Variants in DENND5A observed in about 807,000 individuals in gnomAD.
The protein encoded by DENND5A is DENN domain-containing protein 5A.
Under a neutral mutation model 140.3 loss-of-function variants are expected in DENND5A, and 64 were observed. The ratio of observed to expected loss-of-function variants is 0.46; its 90% CI spans 0.37 to 0.56. DENND5A has a LOEUF of 0.56. DENND5A is among the 20% of genes least tolerant of loss of function. DENND5A has a pLI of 0.00. For synonymous variants in DENND5A, 605 were observed against 607.7 expected, an observed-to-expected ratio of 1.00 and a Z score of 0.07; for missense variants, 1,292 against 1,593.8, an observed-to-expected ratio of 0.81 and a Z score of 3.22.
chr11:9,230,918 G>A (rs912939551), intron 1 of DENND5A, among the ~76,000 whole-genome samples: 13 of 152,068 alleles, frequency 8.5e-5, no homozygotes, highest in Non-Finnish European at 1.9e-4. Context: ...AAGCCTGGAG[G>A]TCTAGACTGC....
At chr11:9,156,996 A>G (rs897306441) in intron 12 of DENND5A, among the ~76,000 whole-genome samples, 1 of 152,208 alleles carries the variant, frequency 6.6e-6, no homozygotes, top group African/African-American at 2.4e-5. Context: ...ACACAGACTT[A>G]GAACATATAA....
chr11:9,158,935 T>C (rs1847893008), intron 12 of DENND5A, among the ~76,000 whole-genome samples: 1 of 152,214 alleles, frequency 6.6e-6, no homozygotes, highest in Non-Finnish European at 1.5e-5. Context: ...TGTGCAATCA[T>C]CACCACTATC....
intron 14 of DENND5A, 52 bp from the exon 15 acceptor site, chr11:9,150,261 A>C (rs898909978): frequency 3.1e-6 from 5 of 1,592,730 alleles, no homozygotes; most frequent in Non-Finnish European, 4.3e-6. Flanking sequence ...AGATGAACTC[A>C]CTGCCAATAA....
At chr11:9,227,772 T>C (rs572591951) in intron 1 of DENND5A, among the ~76,000 whole-genome samples, 5 of 151,132 alleles carry the variant, frequency 3.3e-5, no homozygotes, top group Admixed American at 2.6e-4. Context: ...CTGGGCAACA[T>C]AGCAAGATAC....
chr11:9,219,417 G>T (rs1354294031), intron 1 of DENND5A, among the ~76,000 whole-genome samples: 5 of 152,066 alleles, frequency 3.3e-5, no homozygotes, highest in Non-Finnish European at 5.9e-5. Context: ...AAAATTCTGT[G>T]GGAAAATTAT....
intron 2 of DENND5A, 33 bp downstream of exon 2, chr11:9,207,528 C>CTAATGG: frequency 6.6e-7 from 1 of 1,521,692 alleles, no homozygotes; most frequent in Non-Finnish European, 9.1e-7. Context: ...CATTAGAAAG[C>CTAATGG]TTTGGGTGTT....
At chr11:9,203,627 G>A (rs771858414) in intron 4 of DENND5A, 33 bp downstream of exon 4, 2 of 1,574,456 alleles carry the variant, frequency 1.3e-6, no homozygotes, top group Non-Finnish European at 1.7e-6. Flanking sequence ...GAAGCCTGAG[G>A]CAGGCAGAAG....
chr11:9,263,308 C>A (rs543277433), intron 1 of DENND5A, among the ~76,000 whole-genome samples: 5 of 151,466 alleles, frequency 3.3e-5, no homozygotes, highest in Non-Finnish European at 1.5e-5. Context: ...GCAACCTCCC[C>A]CTCCTGGGTT....
chr11:9,249,966 A>T (rs554155931), intron 1 of DENND5A, among the ~76,000 whole-genome samples: 1 of 151,680 alleles, frequency 6.6e-6, no homozygotes, highest in Admixed American at 6.6e-5. Context: ...AGATTACAGG[A>T]TCGAGCCATC....
In DENND5A at chr11:9,145,776, A is replaced by G. The variant is rs2136116239; in HGVS notation, c.2897T>C (p.Leu966Pro). Residue 966 changes from leucine to proline, a missense_variant, in exon 17 of 23, where the codon CTG becomes CCG. By Grantham distance (98) the Leu-to-Pro change is moderately conservative. Transcript: ENST00000328194. Reference protein sequence around the residue: ...YHILIVPSKKLGGSMFTANPW... With the variant: ...YHILIVPSKKPGGSMFTANPW... ...GTTGGCAGTGAACATGGAGCCCCCC[A>G]GCTTCTTGCTTGGTACGATCAGAAT... The G allele has an allele frequency of 1.2e-6, 2 of 1,614,188 alleles. No individual in the cohort carries two copies. Among genetic ancestry groups the G allele is most frequent in the East Asian group, 4.5e-5 (2 of 44,888 alleles).
intron 11 of DENND5A, among the ~76,000 whole-genome samples, chr11:9,161,931 A>T (rs957638553): frequency 6.7e-6 from 1 of 148,978 alleles, no homozygotes; most frequent in Admixed American, 6.7e-5. Context: ...CTATTAAATT[A>T]TATATATATA....
At chr11:9,151,300 T>G (rs11042196) in intron 13 of DENND5A, among the ~76,000 whole-genome samples, 33,830 of 152,256 alleles carry the variant, frequency 0.22, 3,966 homozygotes, top group Middle Eastern at 0.27. Context: ...CTTTATATCC[T>G]CATGTCTGGC....
chr11:9,248,156 T>C (rs966451272), intron 1 of DENND5A, among the ~76,000 whole-genome samples: 1 of 152,102 alleles, frequency 6.6e-6, no homozygotes, highest in Non-Finnish European at 1.5e-5. Context: ...CTAATTTTTG[T>C]CTTTTTTGTA....
At chr11:9,223,998 C>G (rs530506630) in intron 1 of DENND5A, among the ~76,000 whole-genome samples, 1 of 152,024 alleles carries the variant, frequency 6.6e-6, no homozygotes, top group South Asian at 2.1e-4. Flanking sequence ...TCAAGACCAG[C>G]CTGGCCAACA....
intron 5 of DENND5A, among the ~76,000 whole-genome samples, chr11:9,188,305 G>A (rs886322259): frequency 1.8e-4 from 28 of 152,308 alleles, no homozygotes; most frequent in South Asian, 1.0e-3. Flanking sequence ...CCCCAGCCAC[G>A]AGGAACTGTT....
chr11:9,212,869 AG>A (rs1314509271), intron 1 of DENND5A, among the ~76,000 whole-genome samples: 1 of 152,104 alleles, frequency 6.6e-6, no homozygotes, highest in Non-Finnish European at 1.5e-5. Context: ...ATGGTGGGGA[AG>A]GGGGAGAGTT....
chr11:9,228,687 C>T (rs1850634445), intron 1 of DENND5A, among the ~76,000 whole-genome samples: 1 of 151,410 alleles, frequency 6.6e-6, no homozygotes, highest in Admixed American at 6.6e-5. Flanking sequence ...CCACTGCACT[C>T]CAGCCTGGGC....
In DENND5A at chr11:9,229,377, C is replaced by A. The variant is rs543134196; in HGVS notation, c.110-21745G>T. 3.9e-5 allele frequency among the ~76,000 whole-genome samples: 6 copies of A among 151,970 alleles called. 1 individual carries two copies. The highest frequency in any genetic ancestry group is 1.5e-4 in the African/African-American group (6 of 41,378). ...AAAAATGATACCCCTAAGTAAGACACCTTGACATGCTGAGTATTATGAACT... is the reference window on the plus strand; with the variant it reads ...AAAAATGATACCCCTAAGTAAGACAACTTGACATGCTGAGTATTATGAACT... On this transcript the variant is annotated intron_variant, in intron 1 of 22. Transcript: ENST00000328194.
Position 9,222,095 on chromosome 11 carries a change from G to C in DENND5A, c.110-14463C>G, listed in dbSNP as rs538255227. Among the ~76,000 whole-genome samples, 4 of 152,146 alleles carry C rather than the reference G, an allele frequency of 2.6e-5. No individual in the cohort carries two copies. In the South Asian group the frequency reaches 8.3e-4, roughly 32 times the overall value. ...TCCAATTATAATTTTACAAATGCAG[G>C]GGTCTTTTAAGAGGACATGAGCTTT... On this transcript the variant is annotated intron_variant, in intron 1 of 22. Transcript: ENST00000328194.
Sources: gnomAD v4.1 joint callset for allele counts (sites outside exome capture counted in the v4.1 genomes callset) on GRCh38, gnomAD v4.1.1 for gene constraint, MANE v1.5 for transcripts, NCBI Gene and HGNC (gene_info 2026-07-23, HGNC 2026-07-21) for gene names.